SCHIP1: variants seen among roughly 807,000 people sequenced by gnomAD.
The protein encoded by SCHIP1 is schwannomin-interacting protein 1.
A neutral mutation model predicts 29.7 loss-of-function variants in SCHIP1; 8 were observed. The observed-to-expected ratio is 0.27, with a 90% CI of 0.16 to 0.49. SCHIP1 has a LOEUF of 0.49. Among genes scored for constraint, SCHIP1 ranks in the 20% least tolerant of loss-of-function variants. The pLI is 0.99. For missense variants in SCHIP1, 193 were observed against 294.6 expected (o/e 0.66, Z 2.52); for synonymous variants, 76 against 94.9 (o/e 0.80, Z 1.16).
the SCHIP1 span, among the ~76,000 whole-genome samples, chr3:159,682,886 C>A: frequency 1.3e-5 from 2 of 152,084 alleles, no homozygotes; most frequent in Non-Finnish European, 2.9e-5. Context: ...AACTTTTAAC[C>A]GTGACCTTGA....
At chr3:159,760,363 C>T in the SCHIP1 span, among the ~76,000 whole-genome samples, 1 of 152,150 alleles carries the variant, frequency 6.6e-6, no homozygotes, top group Non-Finnish European at 1.5e-5. Flanking sequence ...GACATTTTTG[C>T]TTGGTAAATT....
chr3:159,514,364 C>T, the SCHIP1 span, among the ~76,000 whole-genome samples: 1 of 152,148 alleles, frequency 6.6e-6, no homozygotes. Flanking sequence ...CAAATAAATT[C>T]CTGAAAGAAA....
At chr3:159,494,141 G>C in the SCHIP1 span, among the ~76,000 whole-genome samples, 9 of 152,288 alleles carry the variant, frequency 5.9e-5, no homozygotes, top group East Asian at 1.7e-3. Context: ...ATGCCCACAA[G>C]AGAAAGCAGG....
chr3:159,367,221 C>T, the SCHIP1 span, among the ~76,000 whole-genome samples: 11 of 152,030 alleles, frequency 7.2e-5, no homozygotes, highest in Non-Finnish European at 1.2e-4. Context: ...GGAGAAACCC[C>T]GTCTCTACTA....
At chr3:159,735,446 T>G in the SCHIP1 span, among the ~76,000 whole-genome samples, 1 of 152,126 alleles carries the variant, frequency 6.6e-6, no homozygotes, top group Non-Finnish European at 1.5e-5. Flanking sequence ...GCCAGTCTGG[T>G]CTTGAACTCC....
intron 2 of SCHIP1, among the ~76,000 whole-genome samples, chr3:159,876,489 A>G (rs1715824657): frequency 6.6e-6 from 1 of 152,200 alleles, no homozygotes; most frequent in Non-Finnish European, 1.5e-5. Flanking sequence ...AAGCACTCAG[A>G]AGAGTGCCTG....
the SCHIP1 span, among the ~76,000 whole-genome samples, chr3:159,551,663 G>A: frequency 6.6e-6 from 1 of 152,044 alleles, no homozygotes; most frequent in African/African-American, 2.4e-5. Flanking sequence ...CAAATGTTAA[G>A]TTTTACCACC....
At chr3:159,778,272 C>T in the SCHIP1 span, among the ~76,000 whole-genome samples, 7 of 152,282 alleles carry the variant, frequency 4.6e-5, no homozygotes, top group South Asian at 6.2e-4. Flanking sequence ...GGATTACAGG[C>T]GTGAGCCACC....
At chr3:159,631,657 C>T in the SCHIP1 span, among the ~76,000 whole-genome samples, 79 of 152,102 alleles carry the variant, frequency 5.2e-4, no homozygotes, top group Admixed American at 3.1e-3. Flanking sequence ...ATAGAGGTTA[C>T]CAGGGGCTGG....
At chr3:159,640,238 G>A in the SCHIP1 span, among the ~76,000 whole-genome samples, 1 of 152,054 alleles carries the variant, frequency 6.6e-6, no homozygotes, top group Non-Finnish European at 1.5e-5. Flanking sequence ...TCCAGCATAC[G>A]GAACATTGAT....
chr3:159,404,381 G>A, the SCHIP1 span, among the ~76,000 whole-genome samples: 1 of 152,106 alleles, frequency 6.6e-6, no homozygotes, highest in East Asian at 1.9e-4. Flanking sequence ...TTCTGTTCCT[G>A]CCTTAGGTCA....
the SCHIP1 span, among the ~76,000 whole-genome samples, chr3:159,503,933 G>T: frequency 6.6e-6 from 1 of 152,208 alleles, no homozygotes; most frequent in Admixed American, 6.5e-5. Context: ...CTGTGAAAGT[G>T]AGTAATTATG....
the SCHIP1 span, among the ~76,000 whole-genome samples, chr3:159,532,546 G>A: frequency 5.3e-5 from 8 of 151,848 alleles, no homozygotes; most frequent in African/African-American, 1.7e-4. Context: ...AATTTTTTTT[G>A]TTCAATTGCA....
the SCHIP1 span, among the ~76,000 whole-genome samples, chr3:159,386,428 A>G: frequency 6.6e-6 from 1 of 152,272 alleles, no homozygotes; most frequent in Non-Finnish European, 1.5e-5. Flanking sequence ...ATACACGCTC[A>G]TGGATAGGAA....
At chr3:159,780,568 G>A in the SCHIP1 span, among the ~76,000 whole-genome samples, 1 of 152,162 alleles carries the variant, frequency 6.6e-6, no homozygotes, top group Non-Finnish European at 1.5e-5. Flanking sequence ...CCAGTGGTGA[G>A]GAAATAAACA....
the SCHIP1 span, among the ~76,000 whole-genome samples, chr3:159,336,992 A>G: frequency 6.6e-6 from 1 of 152,152 alleles, no homozygotes; most frequent in African/African-American, 2.4e-5. Context: ...ATGTTCTTCC[A>G]TTTGTTTGTA....
At chr3:159,374,477 C>T in the SCHIP1 span, among the ~76,000 whole-genome samples, 1 of 152,096 alleles carries the variant, frequency 6.6e-6, no homozygotes, top group African/African-American at 2.4e-5. Context: ...ATAGGAAAAG[C>T]TTTTGTTTTT....
the SCHIP1 span, among the ~76,000 whole-genome samples, chr3:159,460,884 A>G: frequency 6.6e-6 from 1 of 152,292 alleles, no homozygotes; most frequent in East Asian, 1.9e-4. Context: ...AGAGAAAAAA[A>G]TCTGTAGTGT....
the SCHIP1 span, among the ~76,000 whole-genome samples, chr3:159,783,340 G>A: frequency 2.6e-5 from 4 of 152,196 alleles, no homozygotes; most frequent in East Asian, 5.8e-4. Flanking sequence ...GCTTCTGGGA[G>A]CCAGGTGAAA....
Sources: gnomAD v4.1 joint callset for allele counts (sites outside exome capture counted in the v4.1 genomes callset) on GRCh38, gnomAD v4.1.1 for gene constraint, MANE v1.5 for transcripts, NCBI Gene and HGNC (gene_info 2026-07-23, HGNC 2026-07-21) for gene names.